Variants in GGT5 observed in about 807,000 individuals in gnomAD.
GGT5 encodes the protein glutathione hydrolase 5 proenzyme.
A neutral mutation model predicts 58.1 loss-of-function variants in GGT5; 50 were observed. The ratio of observed to expected loss-of-function variants is 0.86; its 90% CI spans 0.69 to 1.09. The LOEUF is 1.09. Among genes scored for constraint, GGT5 ranks in the 50% least tolerant of loss-of-function variants. The pLI, the probability that GGT5 is intolerant of heterozygous loss-of-function variation, is 0.00. For missense variants in GGT5, 800 were observed against 789.4 expected (o/e 1.01, Z -0.16); for synonymous variants, 370 against 346.1 (o/e 1.07, Z -0.77).
At chr22:24,238,867 TATATATAA>T (rs2048219459) in intron 1 of GGT5, among the ~76,000 whole-genome samples, 1 of 10,562 alleles carries the variant, frequency 9.5e-5, no homozygotes, top group African/African-American at 5.9e-4. Context: ...ATATATATAA[TATATATAA>T]TATATATTAT....
chr22:24,225,509 G>A (rs370949394), intron 9 of GGT5, 37 bp downstream of exon 9: 39 of 1,575,588 alleles, frequency 2.5e-5, no homozygotes, highest in Non-Finnish European at 3.1e-5. Context: ...CTGGTGGGGG[G>A]CCCTTGTGGA....
At chr22:24,243,920 A>T (rs1356935130) in intron 1 of GGT5, 1 of 152,518 alleles carries the variant, frequency 6.6e-6, no homozygotes, top group African/African-American at 2.4e-5. Flanking sequence ...GTGTTGGGGC[A>T]GACTGGCTAT....
intron 1 of GGT5, among the ~76,000 whole-genome samples, chr22:24,238,047 GT>G: frequency 6.6e-6 from 1 of 151,776 alleles, no homozygotes; most frequent in Non-Finnish European, 1.5e-5. Context: ...GGCCAACGTG[GT>G]TAAAACCCCA....
At chr22:24,243,119 G>C (rs1210633626) in intron 1 of GGT5, 3 of 152,264 alleles carry the variant, frequency 2.0e-5, no homozygotes, top group East Asian at 3.9e-4. Context: ...TGTGGCAGCA[G>C]GTCCCCACTC....
At chr22:24,240,183 C>A (rs2048290902) in intron 1 of GGT5, among the ~76,000 whole-genome samples, 1 of 152,152 alleles carries the variant, frequency 6.6e-6, no homozygotes, top group Non-Finnish European at 1.5e-5. Context: ...AATCTACTGT[C>A]ATCTTTTAAA....
chr22:24,240,089 C>A (rs1357456019), intron 1 of GGT5, among the ~76,000 whole-genome samples: 2 of 151,992 alleles, frequency 1.3e-5, no homozygotes. Context: ...CCCTCTATCT[C>A]AAGAAAAAAC....
At chr22:24,227,115 A>G (rs1279173459) in intron 6 of GGT5, among the ~76,000 whole-genome samples, 1 of 150,816 alleles carries the variant, frequency 6.6e-6, no homozygotes, top group Non-Finnish European at 1.5e-5. Flanking sequence ...CGTACAGCTA[A>G]TTATTTTTGT....
intron 1 of GGT5, among the ~76,000 whole-genome samples, chr22:24,239,298 C>T (rs951397529): frequency 6.6e-6 from 1 of 151,424 alleles, no homozygotes; most frequent in African/African-American, 2.4e-5. Context: ...GAGATTGTGC[C>T]ACTGCACTCC....
chr22:24,231,909 G>A, intron 5 of GGT5, 142 bp downstream of exon 5: 1 of 698,932 alleles, frequency 1.4e-6, no homozygotes. Flanking sequence ...GGCCGGCAGA[G>A]CTAGGTGCAT....
rs2048437002 is a variant in GGT5, at chr22:24,245,014, G to A, written c.-289C>T. 2 of 429,748 alleles carry A rather than the reference G, an allele frequency of 4.7e-6. No homozygotes were observed. Among genetic ancestry groups the A allele is most frequent in the South Asian group, 8.2e-5 (2 of 24,514 alleles). The allele number at this position is 429,748 out of a possible 1,614,324, so 26.6% of individuals were successfully genotyped here. A position where few individuals can be genotyped will look rare whatever the true frequency, so the allele number is the denominator to read the frequency against. ...AGCGGGCTGCCAGATGGACAGATGGGTGAATGGACAGATGGCTGGCAGCTG... is the reference window on the plus strand; with the variant it reads ...AGCGGGCTGCCAGATGGACAGATGGATGAATGGACAGATGGCTGGCAGCTG... On this transcript the variant is annotated 5_prime_UTR_variant, in exon 1 of 12. Coordinates refer to ENST00000327365, the MANE Select transcript of GGT5 (RefSeq NM_004121.5).
intron 6 of GGT5, among the ~76,000 whole-genome samples, chr22:24,228,569 G>A (rs1399598722): frequency 6.6e-6 from 1 of 151,470 alleles, no homozygotes; most frequent in Non-Finnish European, 1.5e-5. Flanking sequence ...TCCTGCCTCA[G>A]CCTCCCAAGC....
At chr22:24,236,688 G>A (rs1346678956) in intron 1 of GGT5, among the ~76,000 whole-genome samples, 1 of 151,684 alleles carries the variant, frequency 6.6e-6, no homozygotes, top group Non-Finnish European at 1.5e-5. Context: ...GTGTGAACCT[G>A]GAAGTCGGAG....
intron 11 of GGT5, among the ~76,000 whole-genome samples, chr22:24,224,282 G>T (rs1367910025): frequency 6.6e-6 from 1 of 151,944 alleles, no homozygotes. Context: ...GGCCAAGGCG[G>T]GAAGATTGCT....
At chr22:24,233,117 G>T in intron 3 of GGT5, 99 bp from the exon 4 acceptor site, 2 of 886,768 alleles carry the variant, frequency 2.3e-6, no homozygotes, top group Non-Finnish European at 1.6e-6. Context: ...CAGCCAGAGT[G>T]AGCTTTCTGG....
rs60634302 is a variant in GGT5, at chr22:24,238,932, AT to A, written c.174-4929del. Reference sequence around the variant, plus strand: ...TATATATATTATATATATAATATATATTATATAATATATATATATATATATA... The same window carrying A: ...TATATATATTATATATATAATATATATATATAATATATATATATATATATA... On this transcript the variant is annotated intron_variant, in intron 1 of 11. Coordinates refer to ENST00000327365, the MANE Select transcript of GGT5 (RefSeq NM_004121.5). 6.5e-4 allele frequency among the ~76,000 whole-genome samples: 17 copies of A among 26,176 alleles called. 1 individual carries two copies. Among genetic ancestry groups the A allele is most frequent in the African/African-American group, 3.0e-3 (15 of 5,012 alleles). The allele number at this position is 26,176 out of a possible 152,430, so 17.2% of individuals were successfully genotyped here. A position where few individuals can be genotyped will look rare whatever the true frequency, so the allele number is the denominator to read the frequency against.
At chr22:24,244,404 A>C (rs2048414128) in intron 1 of GGT5, 149 bp downstream of exon 1, 1 of 702,758 alleles carries the variant, frequency 1.4e-6, no homozygotes, top group Non-Finnish European at 2.5e-6. Flanking sequence ...ACACTCACAC[A>C]CACCCACACA....
At chr22:24,238,760 A>AATAT (rs35687403) in intron 1 of GGT5, among the ~76,000 whole-genome samples, 23 of 36,762 alleles carry the variant, frequency 6.3e-4, no homozygotes, top group South Asian at 4.5e-3. Context: ...ATATATATGG[A>AATAT]ATATATATAT....
At chr22:24,227,022 C>A (rs973053236) in intron 6 of GGT5, among the ~76,000 whole-genome samples, 4 of 146,898 alleles carry the variant, frequency 2.7e-5, no homozygotes, top group Non-Finnish European at 5.9e-5. Flanking sequence ...AGTCTCAGCT[C>A]ACTGCAATCT....
Position 24,226,152 on chromosome 22 carries a change from C to G in GGT5, c.1153G>C (p.Gly385Arg). ...ACAGACACATGGGACGTGCCTGTCCCGTGGCCCCAGGCCTCGGCCAAGCTG... is the reference window on the plus strand; with the variant it reads ...ACAGACACATGGGACGTGCCTGTCCGGTGGCCCCAGGCCTCGGCCAAGCTG... ...HYSLAEAWGH[G>R]TGTSHVSVLG... is the part of the protein sequence containing the mutation. Residue 385 changes from glycine to arginine, a missense_variant, in exon 8 of 12, where the codon GGG becomes CGG. Gly to Arg is a moderately radical substitution (Grantham distance 125). Transcript: ENST00000327365. The G allele has an allele frequency of 1.2e-6, 2 of 1,611,310 alleles. No homozygotes were observed. Among genetic ancestry groups the G allele is most frequent in the Non-Finnish European group, 1.7e-6 (2 of 1,179,846 alleles).
Sources: allele counts gnomAD v4.1 joint callset (sites outside exome capture counted in the v4.1 genomes callset), GRCh38; gene constraint gnomAD v4.1.1; transcripts MANE v1.5; gene names NCBI Gene and HGNC (gene_info 2026-07-23, HGNC 2026-07-21).